Variants in TNFSF11 observed in about 807,000 individuals in gnomAD.
TNFSF11 encodes tumor necrosis factor ligand superfamily member 11.
A neutral mutation model predicts 32.2 loss-of-function variants in TNFSF11; 12 were observed. The observed-to-expected ratio is 0.37, with a 90% CI of 0.24 to 0.60. The LOEUF (loss-of-function observed/expected upper bound fraction) is 0.60. Ranked by LOEUF, TNFSF11 falls within the 20% of genes least tolerant of loss-of-function variation. The pLI is 0.66. For synonymous variants in TNFSF11, 172 were observed against 152.1 expected (o/e 1.13, Z -0.96); for missense variants, 345 against 398.0 (o/e 0.87, Z 1.13).
chr13:42,594,265 A>G (rs1236183784), intron 2 of TNFSF11, among the ~76,000 whole-genome samples: 2 of 151,974 alleles, frequency 1.3e-5, no homozygotes, highest in Non-Finnish European at 2.9e-5. Context: ...TATTTTTAGT[A>G]GAGACGAGGT....
chr13:42,588,067 G>C (rs1260467194), intron 2 of TNFSF11, among the ~76,000 whole-genome samples: 2 of 152,202 alleles, frequency 1.3e-5, no homozygotes, highest in Non-Finnish European at 2.9e-5. Context: ...ATGTTCCCAA[G>C]TCACGATGTT....
chr13:42,586,094 GA>G (rs1873884924), intron 2 of TNFSF11, among the ~76,000 whole-genome samples: 1 of 152,138 alleles, frequency 6.6e-6, no homozygotes, highest in Non-Finnish European at 1.5e-5. Context: ...ACAAATATAC[GA>G]GAGTGATTTT....
At chr13:42,594,632 ATC>A (rs1201583985) in intron 2 of TNFSF11, among the ~76,000 whole-genome samples, 1 of 152,164 alleles carries the variant, frequency 6.6e-6, no homozygotes, top group Non-Finnish European at 1.5e-5. Flanking sequence ...ACACAGTACC[ATC>A]TCTCCTGAGT....
chr13:42,581,327 C>T (rs2137867372), intron 2 of TNFSF11, 34 bp downstream of exon 2: 2 of 1,611,896 alleles, frequency 1.2e-6, no homozygotes, highest in East Asian at 4.5e-5. Flanking sequence ...AGTCAAGGGC[C>T]CTTGCTGACT....
chr13:42,597,554 T>A (rs1016952638), intron 2 of TNFSF11, among the ~76,000 whole-genome samples: 3 of 152,148 alleles, frequency 2.0e-5, no homozygotes, highest in Non-Finnish European at 4.4e-5. Context: ...TGCTGCTTCT[T>A]TGGCCTGGAT....
chr13:42,574,372 A>G lies in TNFSF11; in HGVS notation c.69A>G (p.Gly23=), dbSNP rs1342180638. The G allele has an allele frequency of 1.9e-5, 30 of 1,542,830 alleles. No individual in the cohort carries two copies. Among genetic ancestry groups the G allele is most frequent in the Non-Finnish European group, 2.6e-5 (30 of 1,145,566 alleles). The change falls in exon 1 of 5, where the codon GGA becomes GGG. Residue 23 remains glycine (G), a synonymous_variant. Coordinates refer to ENST00000398795, the MANE Select transcript of TNFSF11 (RefSeq NM_003701.4). ...CGGAGGAGATGGGCGGCGGCCCCGGAGCCCCGCACGAGGGCCCCCTGCACG... is the reference window on the plus strand; with the variant it reads ...CGGAGGAGATGGGCGGCGGCCCCGGGGCCCCGCACGAGGGCCCCCTGCACG... ...RGSEEMGGGP[G]APHEGPLHAP... is the part of the protein sequence containing the mutation.
intron 4 of TNFSF11, among the ~76,000 whole-genome samples, chr13:42,604,168 C>G (rs1869326309): frequency 1.3e-5 from 2 of 152,126 alleles, no homozygotes; most frequent in African/African-American, 4.8e-5. Flanking sequence ...ATTGATTGAA[C>G]AACAAATTGA....
intron 1 of TNFSF11, among the ~76,000 whole-genome samples, chr13:42,564,196 G>A (rs759147620): frequency 1.3e-5 from 2 of 151,826 alleles, no homozygotes; most frequent in African/African-American, 4.8e-5. Flanking sequence ...CCACTTCTTT[G>A]TTGCAGTTCT....
At chr13:42,577,500 GA>G (rs140731847) in intron 1 of TNFSF11, among the ~76,000 whole-genome samples, 4,003 of 151,822 alleles carry the variant, frequency 0.026, 155 homozygotes, top group African/African-American at 0.083. Flanking sequence ...GGTTTACAAA[GA>G]AAAAAAATAA....
chr13:42,593,078 G>C (rs588383), intron 2 of TNFSF11, among the ~76,000 whole-genome samples: 2,579 of 152,234 alleles, frequency 0.017, 89 homozygotes, highest in African/African-American at 0.059. Context: ...CTAATCACAT[G>C]ACCGGTCCCT....
intron 1 of TNFSF11, among the ~76,000 whole-genome samples, chr13:42,565,080 C>CTG (rs1482345257): frequency 2.0e-5 from 3 of 152,184 alleles, no homozygotes; most frequent in African/African-American, 7.2e-5. Context: ...CTACACCTAT[C>CTG]TGTGTTTATG....
intron 1 of TNFSF11, among the ~76,000 whole-genome samples, chr13:42,577,560 T>C (rs1321347081): frequency 6.6e-6 from 1 of 152,212 alleles, no homozygotes; most frequent in Non-Finnish European, 1.5e-5. Flanking sequence ...TGTGTATGTG[T>C]CTTTAACATC....
chr13:42,588,173 A>C (rs1873988796), intron 2 of TNFSF11, among the ~76,000 whole-genome samples: 1 of 152,236 alleles, frequency 6.6e-6, no homozygotes, highest in African/African-American at 2.4e-5. Context: ...GCGTTTATAA[A>C]AGCTGTCTTT....
intron 2 of TNFSF11, 127 bp downstream of exon 2, chr13:42,581,420 G>A (rs1566377201): frequency 2.7e-6 from 3 of 1,094,718 alleles, no homozygotes; most frequent in Admixed American, 4.5e-5. Context: ...GAGCTACAGG[G>A]AATGCTTTAA....
intron 2 of TNFSF11, among the ~76,000 whole-genome samples, chr13:42,595,530 G>A (rs776368832): frequency 4.6e-5 from 7 of 152,140 alleles, no homozygotes; most frequent in Non-Finnish European, 8.8e-5. Context: ...AGAAAATAGG[G>A]GCGTCCTTTG....
chr13:42,569,908 T>C (rs1315852424), upstream of TNFSF11, among the ~76,000 whole-genome samples: 1 of 152,140 alleles, frequency 6.6e-6, no homozygotes, highest in Non-Finnish European at 1.5e-5. Context: ...AGTGGCACTT[T>C]TCTCCCTACT....
intron 1 of TNFSF11, among the ~76,000 whole-genome samples, chr13:42,564,231 C>T (rs1872788513): frequency 6.6e-6 from 1 of 152,114 alleles, no homozygotes; most frequent in Non-Finnish European, 1.5e-5. Flanking sequence ...ATTTTGTTTA[C>T]CTTTGCCTCT....
At chr13:42,563,618 G>A (rs920238654) in intron 1 of TNFSF11, among the ~76,000 whole-genome samples, 1 of 148,634 alleles carries the variant, frequency 6.7e-6, no homozygotes, top group African/African-American at 2.5e-5. Context: ...AGCTGAGATT[G>A]CACCATTGCA....
chr13:42,575,090 T>A (rs1185820252), intron 1 of TNFSF11, among the ~76,000 whole-genome samples: 5 of 152,088 alleles, frequency 3.3e-5, no homozygotes, highest in Non-Finnish European at 7.4e-5. Flanking sequence ...GTGGGCAGAA[T>A]GACACGGCGC....
Sources: gnomAD v4.1 joint callset for allele counts (sites outside exome capture counted in the v4.1 genomes callset) on GRCh38, gnomAD v4.1.1 for gene constraint, MANE v1.5 for transcripts, NCBI Gene and HGNC (gene_info 2026-07-23, HGNC 2026-07-21) for gene names.